ZCCHC14: variants seen among roughly 807,000 people sequenced by gnomAD.
The protein encoded by ZCCHC14 is zinc finger CCHC domain-containing protein 14.
ZCCHC14 carries 16 observed loss-of-function variants against 85.0 expected under a neutral mutation model. That is an observed-to-expected ratio of 0.19 (90% confidence interval 0.13 to 0.29). The LOEUF (loss-of-function observed/expected upper bound fraction) is 0.29. Ranked by LOEUF, ZCCHC14 falls within the 10% of genes least tolerant of loss-of-function variation. The pLI, the probability that ZCCHC14 is intolerant of heterozygous loss-of-function variation, is 1.00. For missense variants in ZCCHC14, 1,303 were observed against 1,443.5 expected, an observed-to-expected ratio of 0.90 and a Z score of 1.58; for synonymous variants, 775 against 630.7, an observed-to-expected ratio of 1.23 and a Z score of -3.43.
chr16:87,487,412 T>C (rs1285375189), intron 1 of ZCCHC14, among the ~76,000 whole-genome samples: 1 of 152,182 alleles, frequency 6.6e-6, no homozygotes, highest in Non-Finnish European at 1.5e-5. Context: ...GCCCCGCCCC[T>C]GCCCACCAGG....
chr16:87,417,786 C>T, intron 7 of ZCCHC14, 44 bp from the exon 8 acceptor site: 2 of 1,519,306 alleles, frequency 1.3e-6, no homozygotes. Flanking sequence ...CTGTGGCTTC[C>T]ACAACCACAG....
At chr16:87,432,455 G>A (rs965174380) in intron 3 of ZCCHC14, among the ~76,000 whole-genome samples, 6 of 152,188 alleles carry the variant, frequency 3.9e-5, no homozygotes, top group African/African-American at 9.6e-5. Flanking sequence ...CGTGAGGACT[G>A]GTGCCCTGGC....
rs755406645 is a variant in ZCCHC14, at chr16:87,411,762, C to T, written c.2959G>A (p.Val987Met). 2.2e-5 allele frequency: 35 copies of T among 1,611,982 alleles called. No individual in the cohort carries two copies. Among genetic ancestry groups the T allele is most frequent in the South Asian group, 3.3e-5 (3 of 91,036 alleles). ...QYGGGSTFPV[V>M]HAPYSSSGTP... ...CCGCTGCTGCTGTAAGGGGCGTGCA[C>T]GACGGGGAAGGTGGAGCCGCCGCCG... is the stretch of plus-strand genomic sequence containing the variant. The change falls in exon 12 of 13, where the codon GTG (valine) becomes ATG (methionine). Residue 987 changes from valine to methionine, a missense_variant. Val to Met is a conservative substitution (Grantham distance 21). Coordinates refer to ENST00000671377, the MANE Select transcript of ZCCHC14 (RefSeq NM_015144.3).
chr16:87,424,509 T>A (rs372084318), intron 3 of ZCCHC14, among the ~76,000 whole-genome samples: 1 of 152,188 alleles, frequency 6.6e-6, no homozygotes, highest in Non-Finnish European at 1.5e-5. Flanking sequence ...CTTGTGAGCA[T>A]CAGCTTTCCT....
At chr16:87,443,343 TTTTTAAGTGGG>T (rs1910276680) in intron 2 of ZCCHC14, among the ~76,000 whole-genome samples, 1 of 152,210 alleles carries the variant, frequency 6.6e-6, no homozygotes, top group South Asian at 2.1e-4. Context: ...AAACCTATTT[TTTTTAAGTGGG>T]CAGCTTTTTA....
intron 2 of ZCCHC14, among the ~76,000 whole-genome samples, chr16:87,436,655 G>A (rs956327306): frequency 1.3e-5 from 2 of 152,242 alleles, no homozygotes; most frequent in African/African-American, 4.8e-5. Flanking sequence ...GATGGGTGCA[G>A]CAACACATCA....
intron 10 of ZCCHC14, among the ~76,000 whole-genome samples, chr16:87,413,629 CG>C (rs1908606928): frequency 6.6e-6 from 1 of 152,106 alleles, no homozygotes; most frequent in Non-Finnish European, 1.5e-5. Flanking sequence ...GAAGAAAACC[CG>C]GCTCCTCTTG....
chr16:87,431,135 C>CA (rs376570145), intron 3 of ZCCHC14, among the ~76,000 whole-genome samples: 69 of 140,710 alleles, frequency 4.9e-4, no homozygotes, highest in Middle Eastern at 3.8e-3. Flanking sequence ...AAGACAGTGT[C>CA]AAAAAAAAGA....
At chr16:87,479,096 T>C (rs1041996539) in intron 1 of ZCCHC14, among the ~76,000 whole-genome samples, 32 of 152,144 alleles carry the variant, frequency 2.1e-4, no homozygotes, top group African/African-American at 7.7e-4. Context: ...TTCCTATATA[T>C]ACATGTTTTA....
chr16:87,449,219 C>T (rs1187342307), intron 2 of ZCCHC14, among the ~76,000 whole-genome samples: 1 of 152,230 alleles, frequency 6.6e-6, no homozygotes, highest in Non-Finnish European at 1.5e-5. Flanking sequence ...ACACCCCAGG[C>T]ATCTCTTAAA....
At chr16:87,455,039 A>T (rs1910885726) in intron 2 of ZCCHC14, among the ~76,000 whole-genome samples, 1 of 152,228 alleles carries the variant, frequency 6.6e-6, no homozygotes, top group Non-Finnish European at 1.5e-5. Context: ...CTGTAATCCC[A>T]GCACTGTGGG....
At chr16:87,467,020 G>A (rs1911550025) in intron 1 of ZCCHC14, 2 of 418,956 alleles carry the variant, frequency 4.8e-6, no homozygotes, top group South Asian at 2.6e-5. Context: ...TGGAGGTCAC[G>A]TGTTTTTCAT....
Position 87,420,312 on chromosome 16 carries a change from C to A in ZCCHC14, c.950+295G>T, listed in dbSNP as rs985131474. 1.3e-5 allele frequency among the ~76,000 whole-genome samples: 2 copies of A among 152,232 alleles called. No homozygotes were observed. Among genetic ancestry groups the A allele is most frequent in the Admixed American group, 1.3e-4 (2 of 15,292 alleles). ...AATTTTATCTGGGAATAGTCTCAAC[C>A]TTGGACTACAGGATGGAAACAGCAG... is the stretch of plus-strand genomic sequence containing the variant. On this transcript the variant is annotated intron_variant, in intron 5 of 12. Transcript: ENST00000671377. The surrounding 1 kb of genome is among the most constrained non-coding windows in gnomAD (Gnocchi z 5.0).
chr16:87,479,854 G>T (rs758228019), intron 1 of ZCCHC14, among the ~76,000 whole-genome samples: 10 of 152,114 alleles, frequency 6.6e-5, no homozygotes, highest in Non-Finnish European at 1.5e-4. Flanking sequence ...TTGTATGAGT[G>T]CAACCCAGGT....
In ZCCHC14 at chr16:87,474,521, G is replaced by T. The variant is rs146954571; in HGVS notation, c.571-14390C>A. Among the ~76,000 whole-genome samples the T allele has an allele frequency of 5.9e-5, 9 of 152,290 alleles. No homozygotes were observed. In the East Asian group the frequency reaches 1.7e-3, roughly 29 times the overall value. On this transcript the variant is annotated intron_variant, in intron 1 of 12. Transcript: ENST00000671377. ...GAGACGTTGGACCAATCCTCTTGCA[G>T]ATAACTATAAACTCTGGACAAAGCA...
At chr16:87,477,120 CAAAAAAAAA>C (rs769416913) in intron 1 of ZCCHC14, among the ~76,000 whole-genome samples, 7 of 40,634 alleles carry the variant, frequency 1.7e-4, no homozygotes, top group Non-Finnish European at 2.9e-4. Context: ...GACTCAGTCT[CAAAAAAAAA>C]AAAAAAAAAA....
intron 1 of ZCCHC14, among the ~76,000 whole-genome samples, chr16:87,468,768 G>A (rs888145883): frequency 5.3e-5 from 8 of 152,144 alleles, no homozygotes; most frequent in Admixed American, 1.3e-4. Context: ...TGCAGCCAAC[G>A]GAGACCAGCG....
intron 2 of ZCCHC14, among the ~76,000 whole-genome samples, 195 bp downstream of exon 2, chr16:87,459,810 TCTC>T (rs1303577393): frequency 2.0e-5 from 3 of 152,068 alleles, no homozygotes; most frequent in Non-Finnish European, 2.9e-5. Flanking sequence ...CGTCTGGACT[TCTC>T]CTTAAAAAAC....
intron 1 of ZCCHC14, among the ~76,000 whole-genome samples, chr16:87,476,290 T>C (rs1182011450): frequency 1.3e-5 from 2 of 152,034 alleles, no homozygotes; most frequent in Non-Finnish European, 2.9e-5. Context: ...ACCAAAATGG[T>C]AAATAGACCT....
Sources: gnomAD v4.1 joint callset for allele counts (sites outside exome capture counted in the v4.1 genomes callset) on GRCh38, gnomAD v4.1.1 for gene constraint, Gnocchi (gnomAD v3.1) non-coding constraint, MANE v1.5 for transcripts, NCBI Gene and HGNC (gene_info 2026-07-23, HGNC 2026-07-21) for gene names.